NAALADL2: variants seen among roughly 807,000 people sequenced by gnomAD.
NAALADL2 encodes inactive N-acetylated-alpha-linked acidic dipeptidase-like protein 2.
NAALADL2 carries 76 observed loss-of-function variants against 87.2 expected under a neutral mutation model. That is an observed-to-expected ratio of 0.87 (90% CI 0.72 to 1.05). NAALADL2 has a LOEUF of 1.05. NAALADL2 is among the 50% of genes least tolerant of loss of function. The pLI, the probability that NAALADL2 is intolerant of heterozygous loss-of-function variation, is 0.00. For missense variants in NAALADL2, 1,089 were observed against 945.8 expected, an observed-to-expected ratio of 1.15 and a Z score of -1.99; for synonymous variants, 354 against 331.0, an observed-to-expected ratio of 1.07 and a Z score of -0.75.
At chr3:175,004,928 A>G (rs1341325606) in intron 1 of NAALADL2, among the ~76,000 whole-genome samples, 1 of 152,122 alleles carries the variant, frequency 6.6e-6, no homozygotes. Context: ...CAGATAAGAG[A>G]TACTCAATCT....
At chr3:174,603,683 A>T (rs542694875) in intron 2 of NAALADL2, among the ~76,000 whole-genome samples, 1 of 150,858 alleles carries the variant, frequency 6.6e-6, no homozygotes, top group Non-Finnish European at 1.5e-5. Flanking sequence ...GTTTATTTGA[A>T]GTTTTTTTCT....
chr3:175,583,619 A>G (rs1317668145), intron 10 of NAALADL2, among the ~76,000 whole-genome samples: 1 of 152,224 alleles, frequency 6.6e-6, no homozygotes, highest in Non-Finnish European at 1.5e-5. Context: ...TTTAAACAAG[A>G]GGCAGTAATG....
chr3:175,791,911 C>CAA (rs201243200), intron 13 of NAALADL2, among the ~76,000 whole-genome samples: 1,701 of 127,932 alleles, frequency 0.013, 23 homozygotes, highest in African/African-American at 0.041. Flanking sequence ...GTTCCCAAAG[C>CAA]AAAAAAAAAA....
chr3:175,634,179 G>A (rs1728190447), intron 11 of NAALADL2, among the ~76,000 whole-genome samples: 1 of 151,762 alleles, frequency 6.6e-6, no homozygotes, highest in Non-Finnish European at 1.5e-5. Flanking sequence ...AATTTTAATT[G>A]TTAACCATTT....
At chr3:174,593,303 C>T (rs1191330863) in intron 2 of NAALADL2, among the ~76,000 whole-genome samples, 1 of 151,982 alleles carries the variant, frequency 6.6e-6, no homozygotes, top group Non-Finnish European at 1.5e-5. Context: ...TAACTATTAG[C>T]GAATATTTTC....
intron 5 of NAALADL2, among the ~76,000 whole-genome samples, chr3:175,437,811 T>C (rs1295794596): frequency 1.3e-5 from 2 of 152,176 alleles, no homozygotes; most frequent in Non-Finnish European, 2.9e-5. Flanking sequence ...ATAATCTATA[T>C]ATTCTTTTAG....
chr3:175,194,034 G>A (rs9881694), intron 2 of NAALADL2, among the ~76,000 whole-genome samples: 16,647 of 151,684 alleles, frequency 0.11, 1,019 homozygotes, highest in African/African-American at 0.15. Flanking sequence ...AAATATATCC[G>A]ATATGTACGT....
At chr3:175,222,016 A>G (rs1006170315) in intron 2 of NAALADL2, among the ~76,000 whole-genome samples, 1 of 152,070 alleles carries the variant, frequency 6.6e-6, no homozygotes, top group Non-Finnish European at 1.5e-5. Context: ...TCCCGAGCTC[A>G]GGGAATCCAC....
At chr3:175,013,790 G>A (rs898732018) in intron 1 of NAALADL2, among the ~76,000 whole-genome samples, 2 of 151,944 alleles carry the variant, frequency 1.3e-5, no homozygotes, top group African/African-American at 4.8e-5. Flanking sequence ...CCAGCTCTTT[G>A]GGACCAGGGG....
chr3:175,206,620 G>A (rs1166444962), intron 2 of NAALADL2, among the ~76,000 whole-genome samples: 2 of 151,910 alleles, frequency 1.3e-5, no homozygotes, highest in Admixed American at 1.3e-4. Context: ...TACTGCTCGG[G>A]TGATGGTTAC....
intron 2 of NAALADL2, among the ~76,000 whole-genome samples, chr3:174,725,627 G>A (rs948736121): frequency 1.7e-4 from 26 of 152,164 alleles, no homozygotes; most frequent in African/African-American, 6.0e-4. Flanking sequence ...TGATATTATT[G>A]CAAAATTACT....
At chr3:175,552,393 T>G (rs1480803201) in intron 9 of NAALADL2, among the ~76,000 whole-genome samples, 2 of 152,160 alleles carry the variant, frequency 1.3e-5, no homozygotes, top group Non-Finnish European at 2.9e-5. Context: ...GCATGGAAAT[T>G]TTTAGTAGTT....
intron 3 of NAALADL2, among the ~76,000 whole-genome samples, chr3:174,826,038 A>AACAACAACAACAACAACG (rs1721951729): frequency 6.6e-6 from 1 of 150,398 alleles, no homozygotes; most frequent in Non-Finnish European, 1.5e-5. Flanking sequence ...AAACAACAAC[A>AACAACAACAACAACAACG]ACAACAACAA....
upstream of NAALADL2, among the ~76,000 whole-genome samples, chr3:174,855,811 CACACACACAT>C (rs769681204): frequency 0.01 from 1,526 of 145,918 alleles, 26 homozygotes; most frequent in African/African-American, 0.016. Context: ...CACACACACA[CACACACACAT>C]GTATATGTCT....
At chr3:175,716,785 A>G (rs542168057) in intron 11 of NAALADL2, among the ~76,000 whole-genome samples, 2 of 152,168 alleles carry the variant, frequency 1.3e-5, no homozygotes, top group African/African-American at 2.4e-5. Context: ...TCAAAAACAG[A>G]TAAGTCATCC....
chr3:175,310,997 T>TCC (rs61698604), intron 4 of NAALADL2, among the ~76,000 whole-genome samples: 2 of 151,838 alleles, frequency 1.3e-5, no homozygotes, highest in African/African-American at 4.8e-5. Context: ...TTTGTATGTT[T>TCC]CCCCCGCAAT....
chr3:174,919,930 G>A (rs1019696423), intron 1 of NAALADL2, among the ~76,000 whole-genome samples: 1 of 152,044 alleles, frequency 6.6e-6, no homozygotes, highest in Non-Finnish European at 1.5e-5. Context: ...CCACCTCTTG[G>A]GGTGACCAGA....
chr3:174,961,392 C>A (rs1214717461), intron 1 of NAALADL2, among the ~76,000 whole-genome samples: 2 of 151,838 alleles, frequency 1.3e-5, no homozygotes, highest in Non-Finnish European at 2.9e-5. Flanking sequence ...CTAAAAAAAT[C>A]TTAAAAGCAA....
chr3:175,628,372 A>G (rs1443477259), intron 11 of NAALADL2, among the ~76,000 whole-genome samples: 2 of 151,626 alleles, frequency 1.3e-5, no homozygotes, highest in East Asian at 3.9e-4. Context: ...TCAACTTATC[A>G]TGGACATAAC....
Sources: allele counts gnomAD v4.1 joint callset (sites outside exome capture counted in the v4.1 genomes callset), GRCh38; gene constraint gnomAD v4.1.1; transcripts MANE v1.5; gene names NCBI Gene and HGNC (gene_info 2026-07-23, HGNC 2026-07-21).